Variants in SLC44A3 observed in about 807,000 individuals in gnomAD.
SLC44A3 encodes choline transporter-like protein 3.
A neutral mutation model predicts 75.4 loss-of-function variants in SLC44A3; 74 were observed. The ratio of observed to expected loss-of-function variants is 0.98; its 90% CI spans 0.81 to 1.19. SLC44A3 has a LOEUF of 1.19. Ranked by LOEUF, SLC44A3 falls within the 50% of genes most tolerant of loss-of-function variation. SLC44A3 has a pLI of 0.00. For synonymous variants in SLC44A3, 310 were observed against 296.9 expected (o/e 1.04, Z -0.45); for missense variants, 700 against 778.6 (o/e 0.90, Z 1.20).
chr1:94,874,107 C>T (rs1015253428), intron 12 of SLC44A3, among the ~76,000 whole-genome samples: 5 of 152,182 alleles, frequency 3.3e-5, no homozygotes, highest in African/African-American at 9.7e-5. Context: ...CATTAAGGCC[C>T]ATTTATAGAC....
intron 3 of SLC44A3, among the ~76,000 whole-genome samples, chr1:94,827,018 C>T (rs58537338): frequency 1.3e-5 from 2 of 152,208 alleles, no homozygotes; most frequent in Non-Finnish European, 2.9e-5. Flanking sequence ...TGTCCTGGCT[C>T]TCAACCTGGG....
At chr1:94,820,621 C>G (rs1571122204) in intron 1 of SLC44A3, 143 bp downstream of exon 1, 2 of 1,366,512 alleles carry the variant, frequency 1.5e-6, no homozygotes, top group East Asian at 5.8e-5. Context: ...TTGGGGCCAC[C>G]TGGCGGGGAG....
chr1:94,842,917 T>G (rs1039610535), intron 8 of SLC44A3, among the ~76,000 whole-genome samples: 3 of 152,226 alleles, frequency 2.0e-5, no homozygotes, highest in African/African-American at 7.2e-5. Context: ...TTTCACATTT[T>G]CTCCTTTCCA....
Position 94,828,536 on chromosome 1 carries a change from C to T in SLC44A3, c.459C>T (p.Thr153=). Residue 153 remains threonine, a synonymous_variant, in exon 5 of 15, where the codon ACC becomes ACT. Coordinates refer to ENST00000271227, the MANE Select transcript of SLC44A3 (RefSeq NM_001114106.3). ...ATAGTTTGAATTCCTTCAACTATACCCACAGTCCAAAAGCAGACTCACTGT... is the reference window on the plus strand; with the variant it reads ...ATAGTTTGAATTCCTTCAACTATACTCACAGTCCAAAAGCAGACTCACTGT... ...CVYSLNSFNY[T]HSPKADSLCP... 6.2e-7 allele frequency: 1 copy of T among 1,613,762 alleles called. No homozygotes were observed. Among genetic ancestry groups the T allele is most frequent in the East Asian group, 2.2e-5 (1 of 44,864 alleles).
At chr1:94,871,777 C>T (rs1453614126) in intron 12 of SLC44A3, among the ~76,000 whole-genome samples, 6 of 152,270 alleles carry the variant, frequency 3.9e-5, no homozygotes, top group African/African-American at 1.4e-4. Context: ...TTTTTGCATA[C>T]AACAAGGAGC....
intron 3 of SLC44A3, among the ~76,000 whole-genome samples, chr1:94,827,067 G>A (rs994759606): frequency 6.6e-6 from 1 of 152,168 alleles, no homozygotes; most frequent in Non-Finnish European, 1.5e-5. Flanking sequence ...CCCAGCCTTG[G>A]CCCCCTCCTT....
At chr1:94,828,429 G>A (rs1330511174) in intron 4 of SLC44A3, 64 bp from the exon 5 acceptor site, 1 of 1,344,858 alleles carries the variant, frequency 7.4e-7, no homozygotes. Flanking sequence ...TTGGTAACAT[G>A]GCTGTGGTTT....
At position 94,820,974 on chromosome 1, in the gene SLC44A3, AAAGG is replaced by A; in HGVS notation, c.54_57del (p.Arg19SerfsTer70). On this transcript the variant is annotated frameshift_variant, in exon 2 of 15. Coordinates refer to ENST00000271227, the MANE Select transcript of SLC44A3 (RefSeq NM_001114106.3). LOFTEE classifies it high-confidence loss of function. ...GTTTCTGCAGAAGGAGCCCCTAGGC[AAAGG>A]GAGTGGCGACCCCAGATTTATAGGA... is the stretch of plus-strand genomic sequence containing the variant. The A allele has an allele frequency of 6.4e-7, 1 of 1,551,482 alleles. No homozygotes were observed. The highest frequency in any genetic ancestry group is 2.4e-5 in the East Asian group (1 of 40,912).
intron 5 of SLC44A3, among the ~76,000 whole-genome samples, chr1:94,833,998 A>C (rs896837828): frequency 6.6e-6 from 1 of 152,240 alleles, no homozygotes; most frequent in African/African-American, 2.4e-5. Flanking sequence ...AACTGTATAC[A>C]AACACTGTAC....
chr1:94,831,413 G>T (rs9432388), intron 5 of SLC44A3, among the ~76,000 whole-genome samples: 2 of 151,948 alleles, frequency 1.3e-5, no homozygotes, highest in South Asian at 2.1e-4. Context: ...GTGGCTATAG[G>T]GCCAAAGAAC....
At chr1:94,849,583 T>C (rs538497510) in intron 9 of SLC44A3, among the ~76,000 whole-genome samples, 30 of 152,230 alleles carry the variant, frequency 2.0e-4, no homozygotes, top group African/African-American at 6.0e-4. Context: ...CGCTTTCACC[T>C]CTTATGAAGA....
At chr1:94,857,223 C>A in intron 9 of SLC44A3, 112 bp from the exon 10 acceptor site, 1 of 1,078,108 alleles carries the variant, frequency 9.3e-7, no homozygotes, top group Non-Finnish European at 1.3e-6. Flanking sequence ...TTGATTTTGG[C>A]ATTTGTTTTA....
chr1:94,822,223 C>T (rs527691448), intron 2 of SLC44A3, among the ~76,000 whole-genome samples: 1 of 152,350 alleles, frequency 6.6e-6, no homozygotes, highest in African/African-American at 2.4e-5. Context: ...CTCAGCCCAA[C>T]AGCTGAGAAT....
At chr1:94,888,155 A>T (rs564356899) in intron 12 of SLC44A3, among the ~76,000 whole-genome samples, 1 of 152,354 alleles carries the variant, frequency 6.6e-6, no homozygotes, top group South Asian at 2.1e-4. Flanking sequence ...ACAGCTAGTC[A>T]GTGGTAGAAT....
chr1:94,866,374 A>G (rs1358590048), intron 11 of SLC44A3, among the ~76,000 whole-genome samples: 1 of 152,170 alleles, frequency 6.6e-6, no homozygotes, highest in African/African-American at 2.4e-5. Flanking sequence ...AAGGTTATTT[A>G]TCACTTCCCA....
chr1:94,836,970 C>A (rs1166513375), intron 5 of SLC44A3: 5 of 146,888 alleles, frequency 3.4e-5, no homozygotes, highest in Admixed American at 1.4e-4. Context: ...AGTATATGTA[C>A]ACATACCACA....
intron 1 of SLC44A3, chr1:94,820,728 G>A: frequency 7.2e-7 from 1 of 1,395,574 alleles, no homozygotes; most frequent in Middle Eastern, 2.7e-4. Context: ...CTCCAGGTAA[G>A]CACTTGGCGG....
At chr1:94,871,477 T>C (rs557015776) in intron 12 of SLC44A3, among the ~76,000 whole-genome samples, 1 of 152,208 alleles carries the variant, frequency 6.6e-6, no homozygotes, top group Admixed American at 6.5e-5. Flanking sequence ...AGAACCCCAC[T>C]GTGAGACTAC....
At chr1:94,830,935 A>G (rs745373590) in intron 5 of SLC44A3, among the ~76,000 whole-genome samples, 10 of 152,226 alleles carry the variant, frequency 6.6e-5, no homozygotes, top group Non-Finnish European at 1.5e-4. Context: ...GAAAACGTCT[A>G]TATTGTAGGT....
Sources: gnomAD v4.1 joint callset for allele counts (sites outside exome capture counted in the v4.1 genomes callset) on GRCh38, gnomAD v4.1.1 for gene constraint, MANE v1.5 for transcripts, NCBI Gene and HGNC (gene_info 2026-07-23, HGNC 2026-07-21) for gene names.